OCRL: variants seen among roughly 807,000 people sequenced by gnomAD.
OCRL encodes the protein OCRL inositol polyphosphate-5-phosphatase.
In OCRL, 8 loss-of-function variants were observed where a neutral mutation model predicts 78.9. The ratio of observed to expected loss-of-function variants is 0.10; its 90% CI spans 0.06 to 0.18. The LOEUF (loss-of-function observed/expected upper bound fraction) is 0.18. Ranked by LOEUF, OCRL falls within the 10% of genes least tolerant of loss-of-function variation. The pLI is 1.00. For synonymous variants in OCRL, 240 were observed against 235.4 expected (o/e 1.02, Z -0.18); for missense variants, 454 against 696.7 (o/e 0.65, Z 3.92).
intron 22 of OCRL, 48 bp from the exon 23 acceptor site, chrX:129,589,797 C>G (rs373419247): frequency 1.8e-5 from 16 of 903,634 alleles, no homozygotes; most frequent in African/African-American, 1.2e-4. Flanking sequence ...CTCTTACTTT[C>G]ATCTTCCACC....
At chrX:129,561,366 A>G (rs1936143040) in intron 10 of OCRL, 73 bp downstream of exon 10, 2 of 635,024 alleles carry the variant, frequency 3.1e-6, no homozygotes, top group Non-Finnish European at 5.4e-6. Flanking sequence ...CATTATCTAC[A>G]ACTTGTTCCA....
intron 4 of OCRL, among the ~76,000 whole-genome samples, chrX:129,554,988 T>A: frequency 9.5e-6 from 1 of 104,933 alleles, no homozygotes. Context: ...AATAAATAAA[T>A]AAATAAATAA....
chrX:129,581,674 AT>A (rs1238262946), intron 18 of OCRL, among the ~76,000 whole-genome samples: 1 of 105,004 alleles, frequency 9.5e-6, no homozygotes, highest in Non-Finnish European at 1.9e-5. Flanking sequence ...TTATATATAT[AT>A]ATCCTTTAAT....
chrX:129,586,307 A>C (rs1936511412), intron 19 of OCRL, among the ~76,000 whole-genome samples: 1 of 111,942 alleles, frequency 8.9e-6, no homozygotes, highest in Non-Finnish European at 1.9e-5. Flanking sequence ...AGCTATTCCT[A>C]GAAACTGTAA....
chrX:129,543,368 A>G (rs1211246505), intron 2 of OCRL, among the ~76,000 whole-genome samples: 1 of 112,836 alleles, frequency 8.9e-6, no homozygotes, highest in Admixed American at 9.4e-5. Context: ...CTTTAATGCT[A>G]ATGTTCAACA....
chrX:129,588,826 G>A (rs1431322631), intron 21 of OCRL, 60 bp from the exon 22 acceptor site: 5 of 1,195,831 alleles, frequency 4.2e-6, no homozygotes, highest in East Asian at 3.0e-5. Context: ...AAAGGAGCTC[G>A]TCGGGGCTCT....
In OCRL at chrX:129,540,531, G is replaced by A. The variant is rs1468672573; in HGVS notation, c.39+53G>A. Reference sequence around the variant, plus strand: ...AGGCCGCGCAGGGCCGGGGGTGGGGGTCGGGGGCCCTGCGGAACACGGTGG... The same window carrying A: ...AGGCCGCGCAGGGCCGGGGGTGGGGATCGGGGGCCCTGCGGAACACGGTGG... On this transcript the variant is annotated intron_variant, in intron 1 of 23. Transcript: ENST00000371113. 4 of 1,048,340 alleles carry A rather than the reference G, an allele frequency of 3.8e-6. No individual in the cohort carries two copies. In the East Asian group the frequency reaches 1.0e-4, roughly 26 times the overall value. 86.4% of individuals were successfully genotyped at this position (1,048,340 alleles called of 1,213,427 possible). A position where few individuals can be genotyped will look rare whatever the true frequency, so the allele number is the denominator to read the frequency against.
At position 129,569,399 on chromosome X, in the gene OCRL, G is replaced by A. The variant is rs773214157; in HGVS notation, c.1602G>A (p.Gly534=). ...HKPVSALFHI[G]VKVVDERRYR... ...CTGTTAGCGCCCTCTTCCATATTGGGGTAAACACTTGTTTGTACATTCATT... is the reference window on the plus strand; with the variant it reads ...CTGTTAGCGCCCTCTTCCATATTGGAGTAAACACTTGTTTGTACATTCATT... Residue 534 remains glycine, a splice_region_variant and synonymous_variant, in exon 15 of 24, where the codon GGG becomes GGA. Transcript: ENST00000371113. 3.1e-5 allele frequency: 37 copies of A among 1,206,930 alleles called. No individual in the cohort carries two copies. Among genetic ancestry groups the A allele is most frequent in the Non-Finnish European group, 3.7e-5 (33 of 892,663 alleles).
chrX:129,568,769 A>G lies in OCRL; in HGVS notation c.1467-495A>G, dbSNP rs770821946. ...AATGTCTGGTTTAAAGGAGAAATCA[A>G]TACTGTTATTCCTCTCCAAAAATTA... On this transcript the variant is annotated intron_variant, in intron 14 of 23. Transcript: ENST00000371113. Among the ~76,000 whole-genome samples, 10 of 112,638 alleles carry G rather than the reference A, an allele frequency of 8.9e-5. No homozygotes were observed. The South Asian group carries it at 3.7e-3, about 41-fold the overall frequency.
chrX:129,590,344 T>A lies in OCRL; in HGVS notation c.*74T>A, dbSNP rs892891123. ...AAGTATTTCAGAATGATTTAAAAAG[T>A]CATGCCACAGGAAGGGTCTATTGCA... is the stretch of plus-strand genomic sequence containing the variant. On this transcript the variant is annotated 3_prime_UTR_variant, in exon 24 of 24. Transcript: ENST00000371113. 1.5e-5 allele frequency: 17 copies of A among 1,152,277 alleles called. No individual in the cohort carries two copies. The highest frequency in any genetic ancestry group is 1.9e-5 in the Non-Finnish European group (16 of 847,061). The allele number at this position is 1,152,277 out of a possible 1,213,427, so 95.0% of individuals were successfully genotyped here.
In OCRL at chrX:129,592,328, GAA is replaced by G. The variant is rs1936600077; in HGVS notation, c.*2060_*2061del. On this transcript the variant is annotated 3_prime_UTR_variant, in exon 24 of 24. Coordinates refer to ENST00000371113, the MANE Select transcript of OCRL (RefSeq NM_000276.4). ...AAGGATTTCGGATTCAGCTGGTAGGGAAAGACTCTGCACCTGCTGTCTTAGGG... is the reference window on the plus strand; with the variant it reads ...AAGGATTTCGGATTCAGCTGGTAGGGAGACTCTGCACCTGCTGTCTTAGGG... 1 of 112,648 alleles carries G rather than the reference GAA, an allele frequency of 8.9e-6. No individual in the cohort carries two copies. The highest frequency in any genetic ancestry group is 1.9e-5 in the Non-Finnish European group (1 of 53,224). The allele number at this position is 112,648 out of a possible 1,213,427, so 9.3% of individuals were successfully genotyped here.
rs1276014117 is a variant in OCRL at position 129,575,330 on chromosome X, A to G, written c.1713+80A>G. ...GAAACTGCTACTTAGAAAAGGCTAC[A>G]TAGCAACGTGGTTAAGCCCATGTCG... On this transcript the variant is annotated intron_variant, in intron 16 of 23. Coordinates refer to ENST00000371113, the MANE Select transcript of OCRL (RefSeq NM_000276.4). 6.2e-6 allele frequency: 4 copies of G among 643,132 alleles called. No homozygotes were observed. The Admixed American group carries it at 7.6e-5, about 12-fold the overall frequency. The allele number at this position is 643,132 out of a possible 1,213,427, so 53.0% of individuals were successfully genotyped here.
chrX:129,553,090 AT>A (rs1452290233), intron 4 of OCRL: 1 of 112,277 alleles, frequency 8.9e-6, no homozygotes, highest in East Asian at 2.8e-4. Flanking sequence ...GAGGAACTCC[AT>A]TTTTTAAATG....
At chrX:129,581,145 G>A (rs1275854846) in intron 18 of OCRL, among the ~76,000 whole-genome samples, 2 of 112,874 alleles carry the variant, frequency 1.8e-5, no homozygotes, top group Non-Finnish European at 3.7e-5. Flanking sequence ...GATTACAGGC[G>A]TGAGCCACCG....
intron 16 of OCRL, 86 bp downstream of exon 16, chrX:129,575,336 A>G: frequency 3.3e-6 from 2 of 612,884 alleles, no homozygotes; most frequent in East Asian, 6.7e-5. Flanking sequence ...CTACATAGCA[A>G]CGTGGTTAAG....
chrX:129,575,783 C>T, intron 16 of OCRL, 114 bp from the exon 17 acceptor site: 1 of 854,259 alleles, frequency 1.2e-6, no homozygotes, highest in Non-Finnish European at 1.7e-6. Flanking sequence ...ATGTCTATGG[C>T]ATTTGCACAC....
At chrX:129,560,094 T>C (rs1204384659) in intron 8 of OCRL, among the ~76,000 whole-genome samples, 2 of 112,329 alleles carry the variant, frequency 1.8e-5, no homozygotes, top group Non-Finnish European at 3.8e-5. Flanking sequence ...TAATACTATG[T>C]CTGCCTCATC....
chrX:129,540,434 G>A lies in OCRL; in HGVS notation c.-6G>A. ...CGCTGTCCTGCTGAGCCCGGAGGCC[G>A]CCTGGATGGAGCCGCCGCTCCCGGT... On this transcript the variant is annotated 5_prime_UTR_variant, in exon 1 of 24. Transcript: ENST00000371113. 8.7e-7 allele frequency: 1 copy of A among 1,155,201 alleles called. No individual in the cohort carries two copies. Among genetic ancestry groups the A allele is most frequent in the Non-Finnish European group, 1.1e-6 (1 of 871,249 alleles).
rs1436861147 is a variant in OCRL at position 129,576,058 on chromosome X, G to A, written c.1875G>A (p.Glu625=). ...LRAEPFEGYL[E]PNETVDISLD... is the part of the protein sequence containing the mutation. ...CTGAACCTTTTGAGGGCTACTTGGA[G>A]CCAAGTGAGTTTTCCCTTTACCATT... The change falls in exon 17 of 24, where the codon GAG becomes GAA. Residue 625 remains glutamate, a synonymous_variant. Transcript: ENST00000371113. 8.3e-7 allele frequency: 1 copy of A among 1,208,617 alleles called. No individual in the cohort carries two copies. Among genetic ancestry groups the A allele is most frequent in the South Asian group, 1.8e-5 (1 of 56,759 alleles).
Sources: allele counts gnomAD v4.1 joint callset (sites outside exome capture counted in the v4.1 genomes callset), GRCh38; gene constraint gnomAD v4.1.1; transcripts MANE v1.5; gene names NCBI Gene and HGNC (gene_info 2026-07-23, HGNC 2026-07-21).